TRAPPC9: variants seen among roughly 807,000 people sequenced by gnomAD.
TRAPPC9 encodes IKK2 binding protein.
TRAPPC9 carries 83 observed loss-of-function variants against 124.0 expected under a neutral mutation model. The ratio of observed to expected loss-of-function variants is 0.67; its 90% CI spans 0.56 to 0.80. The LOEUF is 0.80. Among genes scored for constraint, TRAPPC9 ranks in the 30% least tolerant of loss-of-function variants. The probability of loss-of-function intolerance (pLI) is 0.00; values close to 1 mark genes in which losing one functional copy is unlikely to be tolerated. For missense variants in TRAPPC9, 1,302 were observed against 1,508.3 expected (o/e 0.86, Z 2.27); for synonymous variants, 638 against 617.5 (o/e 1.03, Z -0.49).
intron 17 of TRAPPC9, chr8:140,039,769 A>C (rs1191100238): frequency 1.3e-5 from 2 of 152,254 alleles, no homozygotes; most frequent in African/African-American, 4.8e-5. Context: ...TGCCGGTCAG[A>C]GTATGTGGCT....
Position 140,087,451 on chromosome 8 carries a change from C to T in TRAPPC9, c.2557-63372G>A, listed in dbSNP as rs73359175. The stretch of plus-strand genomic sequence containing the variant: ...ACACCAACAGGCTCCCGCACAGCCC[C>T]GCTGAAGAGCCGAACGGTGCTCACA... On this transcript the variant is annotated intron_variant, in intron 17 of 22. Coordinates refer to ENST00000438773, the MANE Select transcript of TRAPPC9 (RefSeq NM_001160372.4). This position sits in a 1 kb window ranked among gnomAD's most constrained non-coding sequence, Gnocchi z 4.6. 3.6e-4 allele frequency among the ~76,000 whole-genome samples: 55 copies of T among 152,296 alleles called. No individual in the cohort carries two copies. Among genetic ancestry groups the T allele is most frequent in the African/African-American group, 1.3e-3 (52 of 41,562 alleles).
intron 21 of TRAPPC9, among the ~76,000 whole-genome samples, chr8:139,778,027 C>T (rs1012030806): frequency 1.3e-5 from 2 of 152,088 alleles, no homozygotes; most frequent in African/African-American, 4.8e-5. Flanking sequence ...CTATAGAGAT[C>T]GGTGGGGGGT....
At chr8:139,972,933 C>T (rs1159045718) in intron 19 of TRAPPC9, among the ~76,000 whole-genome samples, 3 of 152,154 alleles carry the variant, frequency 2.0e-5, no homozygotes, top group Non-Finnish European at 4.4e-5. Flanking sequence ...TCCAGGGGCT[C>T]GGCTGAAGCC....
chr8:139,856,471 C>T lies in TRAPPC9; in HGVS notation c.3055+29408G>A, dbSNP rs141714230. Among the ~76,000 whole-genome samples, 46 of 152,270 alleles carry T rather than the reference C, an allele frequency of 3.0e-4. No homozygotes were observed. The East Asian group carries it at 8.1e-3, about 27-fold the overall frequency. Reference sequence around the variant, plus strand: ...GGCCAGGAGACTTGGCCTTGGGAAGCGAACCCACCAGCTCCCCGCTGCAGC... The same window carrying T: ...GGCCAGGAGACTTGGCCTTGGGAAGTGAACCCACCAGCTCCCCGCTGCAGC... On this transcript the variant is annotated intron_variant, in intron 21 of 22. Coordinates refer to ENST00000438773, the MANE Select transcript of TRAPPC9 (RefSeq NM_001160372.4).
intron 7 of TRAPPC9, among the ~76,000 whole-genome samples, chr8:140,394,086 T>G (rs1301863407): frequency 1.3e-5 from 2 of 152,242 alleles, no homozygotes; most frequent in East Asian, 3.9e-4. Flanking sequence ...CCTCACATTT[T>G]AAGTGAAAAC....
At position 139,909,615 on chromosome 8, in the gene TRAPPC9, GGA is replaced by G; in HGVS notation, c.2964+530_2964+531del. 2.0e-5 allele frequency among the ~76,000 whole-genome samples: 3 copies of G among 152,372 alleles called. No individual in the cohort carries two copies. The South Asian group carries it at 6.2e-4, about 32-fold the overall frequency. ...TCTCCAAAGTGCTCGGTCAGTCAGTGGAGTGTCTGCAAGGAGTCAGCCATTGA... is the reference window on the plus strand; with the variant it reads ...TCTCCAAAGTGCTCGGTCAGTCAGTGGTGTCTGCAAGGAGTCAGCCATTGA... On this transcript the variant is annotated intron_variant, in intron 20 of 22. Transcript: ENST00000438773.
At chr8:140,013,590 C>G (rs1348874747) in intron 18 of TRAPPC9, among the ~76,000 whole-genome samples, 1 of 152,190 alleles carries the variant, frequency 6.6e-6, no homozygotes, top group Admixed American at 6.5e-5. Flanking sequence ...GGGAGGCCAA[C>G]AAAGGCTTCA....
At chr8:139,947,894 G>GTGTGTGTATATATATATATATA (rs1554678277) in intron 19 of TRAPPC9, among the ~76,000 whole-genome samples, 1 of 65,832 alleles carries the variant, frequency 1.5e-5, no homozygotes, top group African/African-American at 5.8e-5. Flanking sequence ...AAATATGTGT[G>GTGTGTGTATATATATATATATA]TATATATATA....
At chr8:140,361,238 C>T (rs1301384631) in intron 8 of TRAPPC9, among the ~76,000 whole-genome samples, 1 of 152,258 alleles carries the variant, frequency 6.6e-6, no homozygotes, top group Non-Finnish European at 1.5e-5. Flanking sequence ...ACTGAGAACA[C>T]AATACTGTGC....
At chr8:139,731,875 C>A in intron 22 of TRAPPC9, 104 bp downstream of exon 22, 1 of 1,061,080 alleles carries the variant, frequency 9.4e-7, no homozygotes, top group Admixed American at 2.0e-5. Context: ...CTGCTGCTAT[C>A]GTCTGCTGGA....
chr8:140,115,731 C>A (rs933983856), intron 17 of TRAPPC9, among the ~76,000 whole-genome samples: 2 of 152,056 alleles, frequency 1.3e-5, no homozygotes, highest in South Asian at 4.1e-4. Flanking sequence ...AGCAGCCTGG[C>A]GAAGGGGAGA....
chr8:140,373,503 T>A (rs2068342530), intron 7 of TRAPPC9, among the ~76,000 whole-genome samples: 1 of 152,194 alleles, frequency 6.6e-6, no homozygotes, highest in South Asian at 2.1e-4. Flanking sequence ...CTCCTAACCA[T>A]GCTGGACTCC....
At chr8:140,312,289 G>C (rs2066317823) in intron 9 of TRAPPC9, among the ~76,000 whole-genome samples, 1 of 152,192 alleles carries the variant, frequency 6.6e-6, no homozygotes, top group African/African-American at 2.4e-5. Context: ...CAGAGGACTT[G>C]GAGAGAAGAG....
intron 19 of TRAPPC9, among the ~76,000 whole-genome samples, chr8:139,910,604 G>A (rs1831660956): frequency 6.6e-6 from 1 of 152,192 alleles, no homozygotes; most frequent in Non-Finnish European, 1.5e-5. Flanking sequence ...GAACCAGTGT[G>A]CCATAGATAG....
chr8:140,135,055 C>G (rs2061276639), intron 17 of TRAPPC9, among the ~76,000 whole-genome samples: 1 of 152,086 alleles, frequency 6.6e-6, no homozygotes, highest in East Asian at 1.9e-4. Context: ...CCAATAAGCA[C>G]ATGAAAAAAT....
At chr8:140,160,745 G>C (rs2061738061) in intron 17 of TRAPPC9, among the ~76,000 whole-genome samples, 10 of 151,832 alleles carry the variant, frequency 6.6e-5, no homozygotes, top group Admixed American at 6.6e-4. Flanking sequence ...GTATACCTAT[G>C]TAAGAAACCT....
chr8:139,905,866 G>A (rs12675160), intron 20 of TRAPPC9, among the ~76,000 whole-genome samples: 29,699 of 152,030 alleles, frequency 0.2, 2,971 homozygotes, highest in East Asian at 0.28. Context: ...AGGCCGAGGC[G>A]GGCGGATCAC....
At chr8:139,836,080 C>A (rs1029204854) in intron 21 of TRAPPC9, among the ~76,000 whole-genome samples, 1 of 152,104 alleles carries the variant, frequency 6.6e-6, no homozygotes, top group East Asian at 1.9e-4. Flanking sequence ...ACCATTTCAG[C>A]GCAGCGCAGC....
rs116715141 is a variant in TRAPPC9, at chr8:139,885,676, G to A, written c.3055+203C>T. On this transcript the variant is annotated intron_variant, in intron 21 of 22. Transcript: ENST00000438773. ...CTGTCACCGGAGTGCTGAGCTGCCC[G>A]CCTAGGTGAACAAAGATGACCTCAC... Among the ~76,000 whole-genome samples, 1,438 of 152,338 alleles carry A rather than the reference G, an allele frequency of 9.4e-3. 9 individuals are homozygous for A. Among genetic ancestry groups the A allele is most frequent in the African/African-American group, 0.016 (646 of 41,586 alleles).
Sources: gnomAD v4.1 joint callset for allele counts (sites outside exome capture counted in the v4.1 genomes callset) on GRCh38, gnomAD v4.1.1 for gene constraint, Gnocchi (gnomAD v3.1) non-coding constraint, MANE v1.5 for transcripts, NCBI Gene and HGNC (gene_info 2026-07-23, HGNC 2026-07-21) for gene names.